The following KMT2E variants were observed in gnomAD, a reference collection of about 807,000 sequenced individuals.
KMT2E encodes the protein histone reader KMT2E.
KMT2E carries 30 observed loss-of-function variants against 184.6 expected under a neutral mutation model. The ratio of observed to expected loss-of-function variants is 0.16; its 90% CI spans 0.12 to 0.22. The LOEUF is 0.22. Ranked by LOEUF, KMT2E falls within the 10% of genes least tolerant of loss-of-function variation. The pLI is 1.00. For missense variants in KMT2E, 2,023 were observed against 2,237.4 expected, an observed-to-expected ratio of 0.90 and a Z score of 1.93; for synonymous variants, 815 against 776.5, an observed-to-expected ratio of 1.05 and a Z score of -0.82.
chr7:105,113,133 C>T lies in KMT2E; in HGVS notation c.5377C>T (p.Pro1793Ser). The change falls in exon 27 of 27, where the codon CCT becomes TCT. Residue 1793 changes from proline (P) to serine (S), a missense_variant. Around this residue, in one of 8 missense-constraint regions of KMT2E, gnomAD observed 1,108 missense variants for 1,050.9 expected, o/e 1.05. Transcript: ENST00000311117. ...GPHCPLPVTG[P>S]HLQPQGPNSI... ...ACATTGTCCATTACCTGTCACAGGT[C>T]CTCATCTCCAGCCCCAAGGACCAAA... 1 of 1,614,196 alleles carries T rather than the reference C, an allele frequency of 6.2e-7. No individual in the cohort carries two copies. Among genetic ancestry groups the T allele is most frequent in the Non-Finnish European group, 8.5e-7 (1 of 1,180,022 alleles).
In KMT2E at chr7:105,101,578, G is replaced by A; in HGVS notation, c.1876G>A (p.Glu626Lys). 2 of 1,542,480 alleles carry A rather than the reference G, an allele frequency of 1.3e-6. No homozygotes were observed. Among genetic ancestry groups the A allele is most frequent in the Non-Finnish European group, 8.7e-7 (1 of 1,153,378 alleles). ...AGATACACAGATTGTCAGTGATGCT[G>A]AAGTTATTCAGGTATTATTTATTCA... ...CKDTQIVSDA[E>K]VIQEQAKEEN... Residue 626 changes from glutamate (E) to lysine (K), a missense_variant, in exon 16 of 27, where the codon GAA (glutamate) becomes AAA (lysine). Glu to Lys is a moderately conservative substitution (Grantham distance 56). Transcript: ENST00000311117.
intron 26 of KMT2E, chr7:105,111,114 A>C (rs976358225): frequency 8.9e-6 from 4 of 449,540 alleles, no homozygotes; most frequent in Non-Finnish European, 1.6e-5. Flanking sequence ...CATTTTCTTC[A>C]AATGTTCCAC....
intron 1 of KMT2E, among the ~76,000 whole-genome samples, chr7:105,019,585 C>T (rs1373550719): frequency 6.6e-6 from 1 of 152,032 alleles, no homozygotes; most frequent in Non-Finnish European, 1.5e-5. Flanking sequence ...ACTACTTGTT[C>T]ATCATTTTTA....
intron 3 of KMT2E, among the ~76,000 whole-genome samples, chr7:105,053,016 A>G (rs941408016): frequency 6.6e-6 from 1 of 152,218 alleles, no homozygotes; most frequent in Non-Finnish European, 1.5e-5. Context: ...TAGCCTCTTC[A>G]TTGTAGAAAG....
intron 17 of KMT2E, chr7:105,103,752 CTGTGTGTGTG>C (rs563081813): frequency 2.1e-5 from 3 of 139,632 alleles, no homozygotes; most frequent in African/African-American, 5.4e-5. Flanking sequence ...GTGTGTGTTT[CTGTGTGTGTG>C]TGTGTGTGTA....
At chr7:105,077,692 A>G (rs2129568138) in intron 11 of KMT2E, 1 of 342,908 alleles carries the variant, frequency 2.9e-6, no homozygotes, top group Non-Finnish European at 5.3e-6. Context: ...ATCTACTTCA[A>G]AGATTAACCA....
chr7:105,039,538 G>T (rs1485513565), intron 2 of KMT2E, among the ~76,000 whole-genome samples: 2 of 152,082 alleles, frequency 1.3e-5, no homozygotes, highest in Non-Finnish European at 2.9e-5. Flanking sequence ...AGTTACATTT[G>T]AAAATATCTA....
intron 15 of KMT2E, among the ~76,000 whole-genome samples, chr7:105,092,408 A>C (rs1798243723): frequency 6.6e-6 from 1 of 152,176 alleles, no homozygotes; most frequent in South Asian, 2.1e-4. Flanking sequence ...TCTCCAAAAA[A>C]AAAAGTTTGG....
chr7:105,060,055 G>A (rs1796749548), intron 3 of KMT2E, among the ~76,000 whole-genome samples: 1 of 125,334 alleles, frequency 8.0e-6, no homozygotes, highest in African/African-American at 3.0e-5. Context: ...GAGTGCAGTA[G>A]CGCAGTCTCG....
intron 17 of KMT2E, chr7:105,105,178 A>G (rs1187232364): frequency 1.0e-5 from 3 of 296,210 alleles, no homozygotes; most frequent in Non-Finnish European, 1.8e-5. Context: ...AAAAAAAGTA[A>G]TACAAATTTC....
intron 3 of KMT2E, among the ~76,000 whole-genome samples, chr7:105,042,348 A>T (rs559765986): frequency 5.4e-4 from 80 of 146,922 alleles, no homozygotes; most frequent in Non-Finnish European, 4.1e-4. Flanking sequence ...GTACTTAATC[A>T]TAAACAATTT....
At chr7:105,067,614 A>C (rs2129567519) in intron 6 of KMT2E, among the ~76,000 whole-genome samples, 1 of 152,284 alleles carries the variant, frequency 6.6e-6, no homozygotes, top group African/African-American at 2.4e-5. Flanking sequence ...TGTATATTTC[A>C]GTATATATGT....
At chr7:105,017,953 A>G (rs1168504077) in intron 1 of KMT2E, among the ~76,000 whole-genome samples, 1 of 152,184 alleles carries the variant, frequency 6.6e-6, no homozygotes, top group Non-Finnish European at 1.5e-5. Flanking sequence ...CCAGAGAGAA[A>G]TCATTGCCAT....
At chr7:105,037,740 A>T (rs1177911665) in intron 1 of KMT2E, among the ~76,000 whole-genome samples, 2 of 151,606 alleles carry the variant, frequency 1.3e-5, no homozygotes, top group African/African-American at 2.4e-5. Context: ...TTCTACTTTA[A>T]TTGCTTTTTT....
chr7:105,071,899 CT>C, intron 6 of KMT2E, among the ~76,000 whole-genome samples: 1 of 152,052 alleles, frequency 6.6e-6, no homozygotes, highest in South Asian at 2.1e-4. Context: ...GTGCATTTCT[CT>C]TACTTTGAGT....
chr7:105,100,536 C>G (rs1432018215), intron 15 of KMT2E, among the ~76,000 whole-genome samples: 1 of 152,150 alleles, frequency 6.6e-6, no homozygotes, highest in Non-Finnish European at 1.5e-5. Context: ...TGGTTTAGAG[C>G]TGAAGCATCT....
At chr7:105,087,545 T>A (rs1798035232) in intron 13 of KMT2E, among the ~76,000 whole-genome samples, 1 of 151,402 alleles carries the variant, frequency 6.6e-6, no homozygotes, top group Non-Finnish European at 1.5e-5. Context: ...TGCTTCAGCC[T>A]CCTGAGTAGC....
chr7:105,035,472 A>T (rs1795610380), intron 1 of KMT2E, among the ~76,000 whole-genome samples: 1 of 148,442 alleles, frequency 6.7e-6, no homozygotes, highest in Non-Finnish European at 1.5e-5. Context: ...CCCAGCCAAG[A>T]TCGGCTTTTT....
Position 105,062,406 on chromosome 7 carries a change from G to A in KMT2E, c.186+128G>A, listed in dbSNP as rs1045396986. 41 of 546,066 alleles carry A rather than the reference G, an allele frequency of 7.5e-5. No individual in the cohort carries two copies. In the East Asian group the frequency reaches 8.0e-4, roughly 11 times the overall value. The allele number at this position is 546,066 out of a possible 1,614,324, so 33.8% of individuals were successfully genotyped here. On this transcript the variant is annotated intron_variant, in intron 4 of 26. Coordinates refer to ENST00000311117, the MANE Select transcript of KMT2E (RefSeq NM_182931.3). ...TGTTTCATACTATCAAAATAATTAG[G>A]CGTTTAATTTTTCATTAACCATTAA... is the stretch of plus-strand genomic sequence containing the variant.
Sources: allele counts gnomAD v4.1 joint callset (sites outside exome capture counted in the v4.1 genomes callset), GRCh38; gene constraint gnomAD v4.1.1; regional missense constraint gnomAD v4.1.1; transcripts MANE v1.5; gene names NCBI Gene and HGNC (gene_info 2026-07-23, HGNC 2026-07-21).